ARHGAP17: variants seen among roughly 807,000 people sequenced by gnomAD.
ARHGAP17 encodes rho GTPase-activating protein 17.
In ARHGAP17, 57 loss-of-function variants were observed where a neutral mutation model predicts 99.5. That is an observed-to-expected ratio of 0.57 (90% CI 0.46 to 0.71). The LOEUF (loss-of-function observed/expected upper bound fraction) is 0.71. Among genes scored for constraint, ARHGAP17 ranks in the 30% least tolerant of loss-of-function variants. ARHGAP17 has a pLI of 0.00. For synonymous variants in ARHGAP17, 417 were observed against 429.6 expected (o/e 0.97, Z 0.36); for missense variants, 1,000 against 1,122.4 (o/e 0.89, Z 1.56).
rs912115783 is a variant in ARHGAP17, at chr16:25,011,568, G to A, written c.53+3641C>T. ...GAAAATACAAAAATCAGTCGGGCAT[G>A]GTGGTACAGGCCTGTAGTCCCAGCT... On this transcript the variant is annotated intron_variant, in intron 1 of 19. Coordinates refer to ENST00000289968, the MANE Select transcript of ARHGAP17 (RefSeq NM_001006634.3). Among the ~76,000 whole-genome samples, 41 of 152,224 alleles carry A rather than the reference G, an allele frequency of 2.7e-4. 1 individual carries two copies. In the Middle Eastern group the frequency reaches 0.014, roughly 51 times the overall value.
chr16:24,934,321 C>G (rs1428253620), intron 18 of ARHGAP17, among the ~76,000 whole-genome samples: 1 of 151,862 alleles, frequency 6.6e-6, no homozygotes, highest in African/African-American at 2.4e-5. Flanking sequence ...AGCACCATGC[C>G]CGGCTAATTT....
At chr16:24,962,811 G>T (rs1369845963) in intron 7 of ARHGAP17, among the ~76,000 whole-genome samples, 1 of 152,142 alleles carries the variant, frequency 6.6e-6, no homozygotes, top group East Asian at 1.9e-4. Flanking sequence ...GTATCAAAAA[G>T]ATTTGAATAA....
At chr16:24,971,726 T>C (rs569734778) in intron 3 of ARHGAP17, among the ~76,000 whole-genome samples, 12 of 152,352 alleles carry the variant, frequency 7.9e-5, no homozygotes, top group African/African-American at 2.6e-4. Context: ...TATTTTTAAA[T>C]ACAAAGCCAC....
At chr16:24,988,393 G>C (rs2052937910) in intron 1 of ARHGAP17, among the ~76,000 whole-genome samples, 1 of 152,034 alleles carries the variant, frequency 6.6e-6, no homozygotes, top group South Asian at 2.1e-4. Flanking sequence ...CTTAACGGGG[G>C]GAAATGATTC....
chr16:24,939,689 G>A (rs572415448), intron 16 of ARHGAP17, 92 bp from the exon 17 acceptor site: 2 of 1,354,402 alleles, frequency 1.5e-6, no homozygotes, highest in African/African-American at 2.9e-5. Context: ...CCACACATGG[G>A]GATAGCCACC....
intron 1 of ARHGAP17, among the ~76,000 whole-genome samples, chr16:25,005,248 A>G (rs2053474924): frequency 6.6e-6 from 1 of 152,224 alleles, no homozygotes; most frequent in South Asian, 2.1e-4. Context: ...CATGCCTATT[A>G]TTTTATTTGC....
At chr16:24,966,995 CA>C (rs1187299072) in intron 6 of ARHGAP17, among the ~76,000 whole-genome samples, 1 of 152,192 alleles carries the variant, frequency 6.6e-6, no homozygotes, top group Non-Finnish European at 1.5e-5. Context: ...GAGTCTAGCA[CA>C]AAGTCTGGTG....
chr16:24,949,233 A>G, intron 13 of ARHGAP17, 171 bp downstream of exon 13: 1 of 523,500 alleles, frequency 1.9e-6, no homozygotes, highest in Non-Finnish European at 3.4e-6. Context: ...TCATCATAAT[A>G]TACATGAAAT....
At chr16:24,950,820 G>C (rs1366760759) in intron 12 of ARHGAP17, among the ~76,000 whole-genome samples, 1 of 115,998 alleles carries the variant, frequency 8.6e-6, no homozygotes, top group Non-Finnish European at 1.6e-5. Context: ...CTGGGCGACA[G>C]AGTGGGACTC....
chr16:24,965,634 G>A (rs538126246), intron 6 of ARHGAP17, among the ~76,000 whole-genome samples: 1 of 152,200 alleles, frequency 6.6e-6, no homozygotes, highest in African/African-American at 2.4e-5. Context: ...AGCTAAACTG[G>A]AGATGCTATA....
intron 1 of ARHGAP17, among the ~76,000 whole-genome samples, chr16:24,987,749 C>T (rs928500205): frequency 8.5e-5 from 13 of 152,146 alleles, no homozygotes; most frequent in African/African-American, 2.7e-4. Context: ...GATCACTGTT[C>T]TGCTGGCTTT....
chr16:24,952,952 A>C lies in ARHGAP17; in HGVS notation c.943T>G (p.Ser315Ala), dbSNP rs752441529. 1.4e-5 allele frequency: 23 copies of C among 1,614,066 alleles called. No homozygotes were observed. The highest frequency in any genetic ancestry group is 1.3e-5 in the African/African-American group (1 of 74,930). ...TCACCTGCTACAGCATGGGGGTCTGAATAGAACTCATCCAGGTGAGAAGTA... is the reference window on the plus strand; with the variant it reads ...TCACCTGCTACAGCATGGGGGTCTGCATAGAACTCATCCAGGTGAGAAGTA... ...CSTSHLDEFY[S>A]DPHAVAGALK... Residue 315 changes from serine to alanine, a missense_variant, in exon 11 of 20, where the codon TCA (serine) becomes GCA (alanine). Ser to Ala is a moderately conservative substitution (Grantham distance 99, BLOSUM62 1). Coordinates refer to ENST00000289968, the MANE Select transcript of ARHGAP17 (RefSeq NM_001006634.3).
At chr16:24,968,829 T>A in intron 4 of ARHGAP17, 57 bp from the exon 5 acceptor site, 2 of 1,538,574 alleles carry the variant, frequency 1.3e-6, no homozygotes, top group Non-Finnish European at 1.8e-6. Context: ...GGCACTGGAT[T>A]ATCGTGTGGA....
intron 14 of ARHGAP17, among the ~76,000 whole-genome samples, chr16:24,944,601 CTTTTATT>C (rs972793537): frequency 6.6e-6 from 1 of 151,958 alleles, no homozygotes; most frequent in Admixed American, 6.6e-5. Flanking sequence ...TACAGTGTGC[CTTTTATT>C]TTTTATTTTT....
chr16:24,922,339 C>T (rs573490854), intron 19 of ARHGAP17, among the ~76,000 whole-genome samples: 20 of 152,298 alleles, frequency 1.3e-4, no homozygotes, highest in Non-Finnish European at 2.8e-4. Flanking sequence ...TGCAAGCTAA[C>T]GCCTATCAGC....
rs1049239165 is a variant in ARHGAP17, at chr16:25,015,340, C to G, written c.-79G>C. 2 of 1,196,202 alleles carry G rather than the reference C, an allele frequency of 1.7e-6. No individual in the cohort carries two copies. Among genetic ancestry groups the G allele is most frequent in the African/African-American group, 1.6e-5 (1 of 62,738 alleles). The allele number at this position is 1,196,202 out of a possible 1,614,324, so 74.1% of individuals were successfully genotyped here. A position where few individuals can be genotyped will look rare whatever the true frequency, so the allele number is the denominator to read the frequency against. ...AGCCTGGCAGCTACTACATCGCTTC[C>G]CGGCCCAAACGGCGGCGCGGCGGTG... On this transcript the variant is annotated 5_prime_UTR_variant, in exon 1 of 20. Coordinates refer to ENST00000289968, the MANE Select transcript of ARHGAP17 (RefSeq NM_001006634.3).
rs35513128 is a variant in ARHGAP17 at position 24,958,237 on chromosome 16, A to AAAACAAAC, written c.724+1426_724+1433dup. Among the ~76,000 whole-genome samples, 17 of 151,362 alleles carry AAAACAAAC rather than the reference A, an allele frequency of 1.1e-4. No homozygotes were observed. The South Asian group carries it at 2.9e-3, about 26-fold the overall frequency. On this transcript the variant is annotated intron_variant, in intron 9 of 19. Transcript: ENST00000289968. ...CAACAGAGTGAGACTTTGTCTCTTT[A>AAAACAAAC]AAACAAACAAACAAACAAAATGCGA...
intron 7 of ARHGAP17, among the ~76,000 whole-genome samples, chr16:24,962,666 A>G (rs1227420235): frequency 6.6e-6 from 1 of 152,238 alleles, no homozygotes; most frequent in Middle Eastern, 3.2e-3. Context: ...TACAAAACAC[A>G]TGAGGAAATA....
intron 18 of ARHGAP17, among the ~76,000 whole-genome samples, chr16:24,934,448 G>A (rs987663055): frequency 4.6e-5 from 7 of 151,792 alleles, no homozygotes; most frequent in Non-Finnish European, 8.8e-5. Flanking sequence ...GAGCCACTGC[G>A]CCTGGCCTCT....
Sources: gnomAD v4.1 joint callset for allele counts (sites outside exome capture counted in the v4.1 genomes callset) on GRCh38, gnomAD v4.1.1 for gene constraint, MANE v1.5 for transcripts, NCBI Gene and HGNC (gene_info 2026-07-23, HGNC 2026-07-21) for gene names.